PCDH15: variants seen among roughly 807,000 people sequenced by gnomAD.
PCDH15 encodes protocadherin-15.
PCDH15 carries 129 observed loss-of-function variants against 178.5 expected under a neutral mutation model. The observed-to-expected ratio is 0.72, with a 90% CI of 0.63 to 0.84. PCDH15 has a LOEUF of 0.84. PCDH15 is among the 40% of genes least tolerant of loss of function. The probability of loss-of-function intolerance (pLI) is 0.00; values close to 1 mark genes in which losing one functional copy is unlikely to be tolerated. For missense variants in PCDH15, 2,230 were observed against 2,099.9 expected (o/e 1.06, Z -1.21); for synonymous variants, 800 against 732.0 (o/e 1.09, Z -1.50).
At chr10:54,569,269 G>T (rs1444468830) in intron 2 of PCDH15, among the ~76,000 whole-genome samples, 2 of 152,088 alleles carry the variant, frequency 1.3e-5, no homozygotes, top group East Asian at 3.8e-4. Context: ...AAGAAAATAT[G>T]TAAAGCAATA....
chr10:54,945,714 G>T (rs1019188150), intron 2 of PCDH15, among the ~76,000 whole-genome samples: 1 of 151,712 alleles, frequency 6.6e-6, no homozygotes, highest in South Asian at 2.1e-4. Context: ...AGTTTAAATG[G>T]CTGGAAGCAC....
intron 2 of PCDH15, among the ~76,000 whole-genome samples, chr10:54,573,702 CG>C (rs2090115341): frequency 6.6e-6 from 1 of 151,802 alleles, no homozygotes; most frequent in Non-Finnish European, 1.5e-5. Context: ...TTATCTTTAT[CG>C]ATAGTTTTCC....
At chr10:54,860,084 T>A (rs1461908578) in intron 3 of PCDH15, among the ~76,000 whole-genome samples, 3 of 152,122 alleles carry the variant, frequency 2.0e-5, no homozygotes, top group Non-Finnish European at 4.4e-5. Flanking sequence ...CATGTTTGTA[T>A]GCATGTGTGT....
At chr10:55,322,714 G>A (rs1480879240), upstream of PCDH15, among the ~76,000 whole-genome samples, 3 of 150,778 alleles carry the variant, frequency 2.0e-5, no homozygotes, top group African/African-American at 7.3e-5. Flanking sequence ...ATAATTTAGG[G>A]TATCTGGCAG....
chr10:54,566,818 T>G (rs1022267789), intron 2 of PCDH15, among the ~76,000 whole-genome samples: 5 of 152,298 alleles, frequency 3.3e-5, no homozygotes, highest in African/African-American at 1.2e-4. Flanking sequence ...TATGTGCAGA[T>G]GGATGTTTTC....
chr10:54,294,484 T>G (rs1015082199), intron 8 of PCDH15, among the ~76,000 whole-genome samples: 1 of 152,174 alleles, frequency 6.6e-6, no homozygotes, highest in Admixed American at 6.5e-5. Context: ...AGAGACATTT[T>G]CTGCCTCAAA....
intron 21 of PCDH15, among the ~76,000 whole-genome samples, chr10:53,981,169 G>A (rs2090608775): frequency 6.6e-6 from 1 of 152,004 alleles, no homozygotes; most frequent in Non-Finnish European, 1.5e-5. Context: ...TAATATAGCA[G>A]AATGAATGTA....
At chr10:54,858,575 A>G (rs1008633280) in intron 3 of PCDH15, among the ~76,000 whole-genome samples, 4 of 151,968 alleles carry the variant, frequency 2.6e-5, no homozygotes, top group East Asian at 1.9e-4. Flanking sequence ...CCCATATTGC[A>G]TGGGAGTGCT....
rs899260968 is a variant in PCDH15 at position 54,867,221 on chromosome 10, G to C, written c.-29+30229C>G. Among the ~76,000 whole-genome samples the C allele has an allele frequency of 2.6e-5, 4 of 152,100 alleles. No homozygotes were observed. The East Asian group carries it at 7.7e-4, about 29-fold the overall frequency. ...ACAGTGTGCTTTCAGAGCTTCCGTG[G>C]TATAGTGTTGTGCATTGGGATTCAG... On this transcript the variant is annotated intron_variant, in intron 3 of 5. Transcript: ENST00000458638.
chr10:54,896,590 T>A (rs1340905128), intron 3 of PCDH15, among the ~76,000 whole-genome samples: 1 of 142,056 alleles, frequency 7.0e-6, no homozygotes, highest in Non-Finnish European at 1.6e-5. Context: ...CAATAAGATG[T>A]TTTTTTAAAA....
At chr10:54,884,162 G>T (rs1954311077) in intron 3 of PCDH15, among the ~76,000 whole-genome samples, 2 of 151,878 alleles carry the variant, frequency 1.3e-5, no homozygotes, top group South Asian at 4.1e-4. Context: ...GTGGGAAAGG[G>T]TGTTCCAGTA....
chr10:55,229,331 T>C (rs1841146328), intron 1 of PCDH15, among the ~76,000 whole-genome samples: 1 of 151,856 alleles, frequency 6.6e-6, no homozygotes, highest in Non-Finnish European at 1.5e-5. Flanking sequence ...GTATCCAAAA[T>C]TATAATAAAA....
chr10:54,617,548 G>A (rs1043133357), intron 2 of PCDH15, among the ~76,000 whole-genome samples: 2 of 151,820 alleles, frequency 1.3e-5, no homozygotes, highest in African/African-American at 2.4e-5. Flanking sequence ...AATTGAGTGA[G>A]AAAATGAAAC....
At chr10:53,939,076 A>G in intron 24 of PCDH15, 121 bp from the exon 25 acceptor site, 1 of 946,846 alleles carries the variant, frequency 1.1e-6, no homozygotes. Context: ...AGAGTGATGC[A>G]TGAAAGTGAC....
chr10:55,463,482 TA>T lies in PCDH15; in HGVS notation c.-156+164142del, dbSNP rs900901294. ...GCAGCAAAGCAAAACCTTGTCTCTA[TA>T]AAAAAAAATAATAAAAATAAATTAG... is the stretch of plus-strand genomic sequence containing the variant. On this transcript the variant is annotated intron_variant, in intron 2 of 5. Coordinates refer to the PCDH15 transcript ENST00000613346. Among the ~76,000 whole-genome samples the T allele has an allele frequency of 7.1e-3, 1,063 of 150,706 alleles. 11 individuals carry two copies. Among genetic ancestry groups the T allele is most frequent in the African/African-American group, 0.025 (1,012 of 41,144 alleles).
intron 2 of PCDH15, among the ~76,000 whole-genome samples, chr10:55,345,701 G>T (rs1165756588): frequency 2.0e-5 from 3 of 151,860 alleles, no homozygotes; most frequent in Admixed American, 6.6e-5. Context: ...TTGTTTTGAA[G>T]ATCTTCATGT....
chr10:55,330,008 A>G (rs1844156238), intron 2 of PCDH15, among the ~76,000 whole-genome samples: 1 of 151,774 alleles, frequency 6.6e-6, no homozygotes, highest in African/African-American at 2.4e-5. Context: ...TAAATGACAT[A>G]ATTGACATGT....
intron 2 of PCDH15, among the ~76,000 whole-genome samples, chr10:54,942,591 A>C (rs1838092472): frequency 6.6e-6 from 1 of 152,102 alleles, no homozygotes; most frequent in East Asian, 1.9e-4. Flanking sequence ...TGTATTTTTC[A>C]TACCTGGAAT....
intron 2 of PCDH15, among the ~76,000 whole-genome samples, chr10:55,334,514 T>G (rs1844324870): frequency 6.6e-6 from 1 of 151,436 alleles, no homozygotes; most frequent in Admixed American, 6.6e-5. Flanking sequence ...TCCATGTTGG[T>G]CAGGCTGGTC....
Sources: allele counts gnomAD v4.1 joint callset (sites outside exome capture counted in the v4.1 genomes callset), GRCh38; gene constraint gnomAD v4.1.1; transcripts MANE v1.5; gene names NCBI Gene and HGNC (gene_info 2026-07-23, HGNC 2026-07-21).